The following ZRANB3 variants were observed in gnomAD, a reference collection of about 807,000 sequenced individuals.
The protein encoded by ZRANB3 is DNA annealing helicase and endonuclease ZRANB3.
ZRANB3 carries 125 observed loss-of-function variants against 133.8 expected under a neutral mutation model. The ratio of observed to expected loss-of-function variants is 0.93; its 90% CI spans 0.81 to 1.08. ZRANB3 has a LOEUF of 1.08. Among genes scored for constraint, ZRANB3 ranks in the 50% least tolerant of loss-of-function variants. ZRANB3 has a pLI of 0.00. For synonymous variants in ZRANB3, 387 were observed against 432.7 expected (o/e 0.89, Z 1.31); for missense variants, 1,229 against 1,275.5 (o/e 0.96, Z 0.56).
chr2:135,259,658 T>A (rs1050405883), intron 12 of ZRANB3, among the ~76,000 whole-genome samples: 10 of 152,032 alleles, frequency 6.6e-5, no homozygotes, highest in African/African-American at 2.4e-4. Flanking sequence ...CCTCAGCTGA[T>A]CCGCCCGCCT....
chr2:135,487,289 C>T (rs1692166385), intron 2 of ZRANB3, among the ~76,000 whole-genome samples: 1 of 152,166 alleles, frequency 6.6e-6, no homozygotes, highest in African/African-American at 2.4e-5. Context: ...CTTTGTTATT[C>T]TACTTATAGA....
At chr2:135,337,460 C>T (rs1432283017) in intron 6 of ZRANB3, among the ~76,000 whole-genome samples, 2 of 152,100 alleles carry the variant, frequency 1.3e-5, no homozygotes, top group South Asian at 2.1e-4. Flanking sequence ...GGAAGGAAGA[C>T]GGGGTAGACA....
Position 135,436,100 on chromosome 2 carries a change from C to T in ZRANB3, c.162-45280G>A, listed in dbSNP as rs1215014626. On this transcript the variant is annotated intron_variant, in intron 2 of 20. Coordinates refer to ENST00000264159, the MANE Select transcript of ZRANB3 (RefSeq NM_032143.4). ...TGTACTGCCTAGATTGTCTTCCAGG[C>T]TTTTTATAGTTTTGGGTTTTACATT... Among the ~76,000 whole-genome samples the T allele has an allele frequency of 2.0e-5, 3 of 152,058 alleles. No individual in the cohort carries two copies. In the East Asian group the frequency reaches 5.8e-4, roughly 29 times the overall value.
chr2:135,272,031 G>A (rs1573802203), intron 9 of ZRANB3, 144 bp from the exon 10 acceptor site: 3 of 903,174 alleles, frequency 3.3e-6, no homozygotes, highest in Non-Finnish European at 4.6e-6. Context: ...TATACAAGAA[G>A]AATCTTAACC....
chr2:135,479,503 C>T (rs969656293), intron 2 of ZRANB3, among the ~76,000 whole-genome samples: 3 of 151,992 alleles, frequency 2.0e-5, no homozygotes, highest in Non-Finnish European at 4.4e-5. Context: ...GACATGATGG[C>T]GGGTGCCTGT....
chr2:135,316,983 A>AATATATAT (rs1553471635), intron 6 of ZRANB3, among the ~76,000 whole-genome samples: 16 of 131,474 alleles, frequency 1.2e-4, no homozygotes, highest in African/African-American at 4.5e-4. Context: ...AAAAAAAAAA[A>AATATATAT]ATATATATAT....
intron 2 of ZRANB3, among the ~76,000 whole-genome samples, chr2:135,418,504 C>T (rs900555894): frequency 1.3e-5 from 2 of 151,998 alleles, no homozygotes; most frequent in African/African-American, 4.8e-5. Context: ...TATCAACATG[C>T]ATTGTATGTC....
At chr2:135,394,619 T>A (rs1484185724) in intron 2 of ZRANB3, among the ~76,000 whole-genome samples, 2 of 152,044 alleles carry the variant, frequency 1.3e-5, no homozygotes, top group Non-Finnish European at 2.9e-5. Flanking sequence ...TCAGATTTAC[T>A]AGATGAAAAA....
chr2:135,363,355 C>G (rs1159938572), intron 3 of ZRANB3, among the ~76,000 whole-genome samples: 1 of 152,078 alleles, frequency 6.6e-6, no homozygotes, highest in African/African-American at 2.4e-5. Flanking sequence ...TAAAGAGTCA[C>G]AAGACAGTAA....
At chr2:135,391,449 G>C (rs574190194) in intron 2 of ZRANB3, among the ~76,000 whole-genome samples, 1 of 152,288 alleles carries the variant, frequency 6.6e-6, no homozygotes, top group South Asian at 2.1e-4. Context: ...TAAACCTTAA[G>C]ATTGGTCTTC....
At chr2:135,400,194 T>C (rs970681664) in intron 2 of ZRANB3, among the ~76,000 whole-genome samples, 10 of 151,938 alleles carry the variant, frequency 6.6e-5, no homozygotes, top group Admixed American at 6.6e-4. Context: ...GAGCCAAGAT[T>C]GCACCACTGC....
chr2:135,490,271 A>T (rs1692313933), intron 2 of ZRANB3, among the ~76,000 whole-genome samples: 2 of 152,216 alleles, frequency 1.3e-5, no homozygotes, highest in Non-Finnish European at 1.5e-5. Flanking sequence ...TCTGATGAGA[A>T]ATTAATAGCC....
chr2:135,313,492 G>T lies in ZRANB3; in HGVS notation c.963C>A (p.Ala321=). The T allele has an allele frequency of 6.2e-7, 1 of 1,600,500 alleles. No homozygotes were observed. The highest frequency in any genetic ancestry group is 8.6e-7 in the Non-Finnish European group (1 of 1,169,086). The change falls in exon 8 of 21, where the codon GCC becomes GCA. Residue 321 remains alanine, a synonymous_variant. Coordinates refer to ENST00000264159, the MANE Select transcript of ZRANB3 (RefSeq NM_032143.4). The part of the protein sequence containing the change: ...ITRMFKQTAI[A]KAGAVKDYIK... ...ATGATGGCCCAGCAAAGAGTACCTT[G>T]GCAATAGCAGTTTGTTTAAACATGC...
chr2:135,518,059 G>A (rs1342774771), intron 1 of ZRANB3, among the ~76,000 whole-genome samples: 2 of 152,164 alleles, frequency 1.3e-5, no homozygotes, highest in Non-Finnish European at 2.9e-5. Flanking sequence ...TTTACACCGT[G>A]AGGGGAAAAC....
rs866942532 is a variant in ZRANB3 at position 135,348,546 on chromosome 2, G to A, written c.591+1438C>T. Among the ~76,000 whole-genome samples, 8 of 152,114 alleles carry A rather than the reference G, an allele frequency of 5.3e-5. No individual in the cohort carries two copies. The South Asian group carries it at 8.3e-4, about 16-fold the overall frequency. On this transcript the variant is annotated intron_variant, in intron 5 of 20. Coordinates refer to ENST00000264159, the MANE Select transcript of ZRANB3 (RefSeq NM_032143.4). The stretch of plus-strand genomic sequence containing the variant: ...TATTTCTTATGCTCGATTATAAGTA[G>A]ATGAGTATTCATTTTATTATTGTCA...
intron 3 of ZRANB3, among the ~76,000 whole-genome samples, chr2:135,386,234 T>G (rs1268145947): frequency 6.6e-6 from 1 of 152,042 alleles, no homozygotes; most frequent in African/African-American, 2.4e-5. Flanking sequence ...AAAAGACACA[T>G]GAAAAAATGC....
intron 8 of ZRANB3, among the ~76,000 whole-genome samples, chr2:135,286,002 A>T (rs1310024610): frequency 1.3e-5 from 2 of 152,258 alleles, no homozygotes; most frequent in Non-Finnish European, 2.9e-5. Context: ...TACTGGTAAC[A>T]TTGATTATTT....
chr2:135,464,677 T>C (rs181407169), intron 2 of ZRANB3, among the ~76,000 whole-genome samples: 46 of 152,260 alleles, frequency 3.0e-4, no homozygotes, highest in Admixed American at 1.2e-3. Context: ...TGCCTGCAAG[T>C]TGATTTCAAG....
chr2:135,307,565 A>T (rs531265157), intron 8 of ZRANB3, among the ~76,000 whole-genome samples: 1 of 152,328 alleles, frequency 6.6e-6, no homozygotes, highest in South Asian at 2.1e-4. Context: ...CTTGTCTAAT[A>T]GTTCTACAAT....
Sources: allele counts gnomAD v4.1 joint callset (sites outside exome capture counted in the v4.1 genomes callset), GRCh38; gene constraint gnomAD v4.1.1; transcripts MANE v1.5; gene names NCBI Gene and HGNC (gene_info 2026-07-23, HGNC 2026-07-21).